The following RIMS1 variants were observed in gnomAD, a reference collection of about 807,000 sequenced individuals.
RIMS1 encodes the protein regulating synaptic membrane exocytosis 1.
Under a neutral mutation model 214.1 loss-of-function variants are expected in RIMS1, and 83 were observed. The observed-to-expected ratio is 0.39, with a 90% CI of 0.32 to 0.47. The LOEUF is 0.47. Ranked by LOEUF, RIMS1 falls within the 20% of genes least tolerant of loss-of-function variation. The probability of loss-of-function intolerance (pLI) is 0.99; values close to 1 mark genes in which losing one functional copy is unlikely to be tolerated. For missense variants in RIMS1, 2,050 were observed against 2,161.8 expected (o/e 0.95, Z 1.03); for synonymous variants, 793 against 786.8 (o/e 1.01, Z -0.13).
intron 2 of RIMS1, among the ~76,000 whole-genome samples, chr6:72,062,321 A>T (rs534801330): frequency 1.2e-3 from 183 of 152,158 alleles, no homozygotes; most frequent in Middle Eastern, 6.8e-3. Context: ...ATGTGCACAA[A>T]CTACTTGGAT....
chr6:72,160,953 G>C (rs1177081306), intron 4 of RIMS1, among the ~76,000 whole-genome samples: 2 of 139,650 alleles, frequency 1.4e-5, no homozygotes. Flanking sequence ...GTTTCAGAAG[G>C]AATGGTACCA....
intron 2 of RIMS1, among the ~76,000 whole-genome samples, chr6:72,013,393 G>GTGTA (rs1811551460): frequency 6.6e-6 from 1 of 152,146 alleles, no homozygotes; most frequent in Admixed American, 6.5e-5. Flanking sequence ...TGAATGTCCA[G>GTGTA]TGTATATATT....
chr6:72,049,341 T>C (rs767220522), intron 2 of RIMS1, among the ~76,000 whole-genome samples: 27 of 152,056 alleles, frequency 1.8e-4, no homozygotes, highest in Non-Finnish European at 3.1e-4. Context: ...ACTCAACCCC[T>C]CTTATGGTTT....
intron 29 of RIMS1, chr6:72,366,675 A>G: frequency 1.0e-6 from 1 of 982,190 alleles, no homozygotes; most frequent in Non-Finnish European, 1.2e-6. Context: ...TGAGAAGGAG[A>G]GAGTGTCGGA....
At chr6:72,227,716 C>T (rs2060632799) in intron 6 of RIMS1, among the ~76,000 whole-genome samples, 1 of 151,964 alleles carries the variant, frequency 6.6e-6, no homozygotes. Context: ...TATTTAATCA[C>T]TCTCTGGGGT....
At chr6:72,325,922 T>C (rs191885828) in intron 28 of RIMS1, among the ~76,000 whole-genome samples, 1 of 151,856 alleles carries the variant, frequency 6.6e-6, no homozygotes, top group Non-Finnish European at 1.5e-5. Context: ...CCCTGTGTTA[T>C]GACCACTGAA....
At position 72,290,720 on chromosome 6, in the gene RIMS1, C is replaced by CT; in HGVS notation, c.3596_3597insT (p.Arg1200LysfsTer4). ...CTTTCTAGAAGGGGACACGCAGCCCCAAGAGCAACTGATCAGCCAGTCATT... is the reference window on the plus strand; with the variant it reads ...CTTTCTAGAAGGGGACACGCAGCCCCTAAGAGCAACTGATCAGCCAGTCATT... On this transcript the variant is annotated frameshift_variant, in exon 25 of 34. Coordinates refer to ENST00000521978, the MANE Select transcript of RIMS1 (RefSeq NM_014989.7). The CT allele has an allele frequency of 6.2e-7, 1 of 1,613,806 alleles. No individual in the cohort carries two copies. The highest frequency in any genetic ancestry group is 2.2e-5 in the East Asian group (1 of 44,872).
intron 1 of RIMS1, among the ~76,000 whole-genome samples, chr6:71,912,198 C>A (rs992570901): frequency 2.6e-5 from 4 of 152,082 alleles, no homozygotes; most frequent in Admixed American, 6.6e-5. Context: ...GGTCTATAAA[C>A]CTACATCAGA....
At chr6:72,190,642 T>C (rs2049933452) in intron 6 of RIMS1, among the ~76,000 whole-genome samples, 1 of 151,984 alleles carries the variant, frequency 6.6e-6, no homozygotes, top group African/African-American at 2.4e-5. Context: ...AGACCATAGG[T>C]GCATGCTGTG....
In RIMS1 at chr6:72,182,858, G is replaced by A; in HGVS notation, c.1387G>A (p.Glu463Lys). ...TGGGCCGGTTCCCGCAGAAGCCCCG[G>A]AGCTCAAAGCCCAGGAGCCCCTCAG... is the stretch of plus-strand genomic sequence containing the variant. Reference protein sequence around the residue: ...RHGPVPAEAPELKAQEPLRKQ... With the variant: ...RHGPVPAEAPKLKAQEPLRKQ... Residue 463 changes from glutamate (E) to lysine (K), a missense_variant, in exon 6 of 34, where the codon GAG becomes AAG. Physicochemically the swap from Glu to Lys is moderately conservative, Grantham distance 56. Around this residue, in one of 6 missense-constraint regions of RIMS1, gnomAD observed 882 missense variants for 828.9 expected, o/e 1.06. Coordinates refer to ENST00000521978, the MANE Select transcript of RIMS1 (RefSeq NM_014989.7). The A allele has an allele frequency of 6.4e-7, 1 of 1,557,760 alleles. No homozygotes were observed. The highest frequency in any genetic ancestry group is 8.7e-7 in the Non-Finnish European group (1 of 1,153,272).
intron 4 of RIMS1, among the ~76,000 whole-genome samples, chr6:72,103,769 G>T (rs2034160696): frequency 6.6e-6 from 1 of 152,034 alleles, no homozygotes. Flanking sequence ...CAATAAATGG[G>T]GGTTTCAATT....
At chr6:72,120,498 G>T (rs896473144) in intron 4 of RIMS1, among the ~76,000 whole-genome samples, 4 of 151,936 alleles carry the variant, frequency 2.6e-5, no homozygotes, top group African/African-American at 9.7e-5. Flanking sequence ...TGTTGATGGG[G>T]TTGTTTGATT....
chr6:71,945,016 G>A (rs766605175), intron 1 of RIMS1, among the ~76,000 whole-genome samples: 6 of 152,156 alleles, frequency 3.9e-5, no homozygotes, highest in Non-Finnish European at 5.9e-5. Flanking sequence ...GAGTTACTAT[G>A]TGCAAACTTT....
chr6:72,249,392 G>A (rs962957999), intron 12 of RIMS1, among the ~76,000 whole-genome samples: 1 of 152,094 alleles, frequency 6.6e-6, no homozygotes, highest in Non-Finnish European at 1.5e-5. Context: ...TTGGTTAATA[G>A]AAATATCATT....
chr6:72,337,586 TTTTA>T (rs1388872234), intron 29 of RIMS1, among the ~76,000 whole-genome samples: 1 of 151,810 alleles, frequency 6.6e-6, no homozygotes, highest in East Asian at 1.9e-4. Flanking sequence ...TTTTATTTCA[TTTTA>T]TTTATTTTTT....
At chr6:72,235,375 A>G (rs2063600976) in intron 7 of RIMS1, among the ~76,000 whole-genome samples, 2 of 151,838 alleles carry the variant, frequency 1.3e-5, no homozygotes, top group Admixed American at 1.3e-4. Flanking sequence ...CCCAGCCTCT[A>G]TTATCCTCTA....
intron 2 of RIMS1, among the ~76,000 whole-genome samples, chr6:71,969,372 T>C (rs979608294): frequency 1.3e-5 from 2 of 152,228 alleles, no homozygotes; most frequent in African/African-American, 4.8e-5. Flanking sequence ...GTGTATGAGC[T>C]GGAATATAAC....
intron 9 of RIMS1, 33 bp from the exon 10 acceptor site, chr6:72,242,281 A>T (rs1229333239): frequency 6.8e-7 from 1 of 1,472,648 alleles, no homozygotes; most frequent in Non-Finnish European, 9.2e-7. Flanking sequence ...AGAATATATA[A>T]GGTAAAAAAA....
At chr6:72,390,810 C>G in intron 30 of RIMS1, 74 bp downstream of exon 30, 1 of 1,504,992 alleles carries the variant, frequency 6.6e-7, no homozygotes, top group Non-Finnish European at 9.0e-7. Flanking sequence ...AACAAAGCCA[C>G]TGAGTGTTAC....
Sources: allele counts gnomAD v4.1 joint callset (sites outside exome capture counted in the v4.1 genomes callset), GRCh38; gene constraint gnomAD v4.1.1; regional missense constraint gnomAD v4.1.1; transcripts MANE v1.5; gene names NCBI Gene and HGNC (gene_info 2026-07-23, HGNC 2026-07-21).